The following CHCHD3 variants were observed in gnomAD, a reference collection of about 807,000 sequenced individuals.
The protein encoded by CHCHD3 is coiled-coil-helix-coiled-coil-helix domain containing 3.
Under a neutral mutation model 38.2 loss-of-function variants are expected in CHCHD3, and 20 were observed. The ratio of observed to expected loss-of-function variants is 0.52; its 90% confidence interval spans 0.37 to 0.76. CHCHD3 has a LOEUF of 0.76. Ranked by LOEUF, CHCHD3 falls within the 30% of genes least tolerant of loss-of-function variation. CHCHD3 has a pLI of 0.00. For synonymous variants in CHCHD3, 82 were observed against 100.0 expected, an observed-to-expected ratio of 0.82 and a Z score of 1.07; for missense variants, 245 against 279.2, an observed-to-expected ratio of 0.88 and a Z score of 0.87.
chr7:133,047,490 T>C (rs1459120822), intron 2 of CHCHD3, among the ~76,000 whole-genome samples: 5 of 152,222 alleles, frequency 3.3e-5, no homozygotes, highest in African/African-American at 1.2e-4. Context: ...AAAACGAGTC[T>C]CATGACTTTG....
Position 132,785,402 on chromosome 7 carries a change from GTTT to G in CHCHD3, c.*232_*234del. The stretch of plus-strand genomic sequence containing the variant: ...CTTCTCTTTTAATCATCATAAGAGG[GTTT>G]ACTAATACTCAAGAGTGTCCTTTAA... On this transcript the variant is annotated 3_prime_UTR_variant, in exon 8 of 8. Coordinates refer to ENST00000262570, the MANE Select transcript of CHCHD3 (RefSeq NM_017812.4). 1.7e-6 allele frequency: 1 copy of G among 580,270 alleles called. No homozygotes were observed. Among genetic ancestry groups the G allele is most frequent in the South Asian group, 2.2e-5 (1 of 46,128 alleles). The allele number at this position is 580,270 out of a possible 1,614,324, so 35.9% of individuals were successfully genotyped here.
intron 7 of CHCHD3, among the ~76,000 whole-genome samples, chr7:132,786,016 A>G (rs1806307185): frequency 6.6e-6 from 1 of 152,178 alleles, no homozygotes; most frequent in African/African-American, 2.4e-5. Context: ...AATCTCTACC[A>G]AAAACAAAAA....
rs918387050 is a variant in CHCHD3, at chr7:132,973,404, T to G, written c.369+1765A>C. The G allele has an allele frequency of 3.0e-6, 3 of 985,376 alleles. No homozygotes were observed. The African/African-American group carries it at 5.2e-5, about 17-fold the overall frequency. 61.0% of individuals were successfully genotyped at this position (985,376 alleles called of 1,614,324 possible). A position where few individuals can be genotyped will look rare whatever the true frequency, so the allele number is the denominator to read the frequency against. ...CCACTGACCTGATATTTTTTCAGCT[T>G]CCTCAAAAAATCCTTCAGCTTAGAC... On this transcript the variant is annotated intron_variant, in intron 4 of 7. Coordinates refer to ENST00000262570, the MANE Select transcript of CHCHD3 (RefSeq NM_017812.4).
intron 3 of CHCHD3, among the ~76,000 whole-genome samples, chr7:132,984,894 G>A (rs1812051200): frequency 9.9e-6 from 1 of 100,582 alleles, no homozygotes; most frequent in Non-Finnish European, 2.2e-5. Flanking sequence ...ATCCGGGAGG[G>A]AGGTGGGGGG....
At chr7:133,080,681 C>T (rs1815148055) in intron 1 of CHCHD3, among the ~76,000 whole-genome samples, 1 of 152,056 alleles carries the variant, frequency 6.6e-6, no homozygotes, top group Non-Finnish European at 1.5e-5. Context: ...GTAGTACTAC[C>T]ATTAATTAGC....
rs545947166 is a variant in CHCHD3, at chr7:132,868,023, G to A, written c.453+17639C>T. On this transcript the variant is annotated intron_variant, in intron 5 of 7. Coordinates refer to ENST00000262570, the MANE Select transcript of CHCHD3 (RefSeq NM_017812.4). The stretch of plus-strand genomic sequence containing the variant: ...TGTAGCATACTCCAATAAAAAAGAC[G>A]TTCACCCACAATTGACAAGCTAGGT... Among the ~76,000 whole-genome samples, 118 of 152,086 alleles carry A rather than the reference G, an allele frequency of 7.8e-4. 2 individuals carry two copies. The South Asian group carries it at 0.023, about 29-fold the overall frequency.
At chr7:132,915,232 G>A (rs1043782263) in intron 4 of CHCHD3, among the ~76,000 whole-genome samples, 1 of 152,102 alleles carries the variant, frequency 6.6e-6, no homozygotes, top group Non-Finnish European at 1.5e-5. Context: ...GAGCGGCAAG[G>A]ATTTCGAGCT....
chr7:132,932,513 C>A (rs375249668), intron 4 of CHCHD3, among the ~76,000 whole-genome samples: 1 of 152,196 alleles, frequency 6.6e-6, no homozygotes, highest in Non-Finnish European at 1.5e-5. Flanking sequence ...TATTGGCCTA[C>A]GCAACTTGCC....
At chr7:132,989,335 T>C (rs1188482844) in intron 3 of CHCHD3, among the ~76,000 whole-genome samples, 1 of 152,132 alleles carries the variant, frequency 6.6e-6, no homozygotes, top group African/African-American at 2.4e-5. Context: ...GATTTTATTT[T>C]AATTCACAAT....
At chr7:132,807,606 A>ATATATATAT (rs1806956322) in intron 6 of CHCHD3, among the ~76,000 whole-genome samples, 1 of 108,926 alleles carries the variant, frequency 9.2e-6, no homozygotes, top group Non-Finnish European at 1.9e-5. Flanking sequence ...CATACACATA[A>ATATATATAT]ATATATATAT....
intron 3 of CHCHD3, among the ~76,000 whole-genome samples, chr7:132,997,485 A>G (rs971052219): frequency 6.6e-6 from 1 of 152,070 alleles, no homozygotes; most frequent in African/African-American, 2.4e-5. Flanking sequence ...ATCAGTTGTG[A>G]ATTTTTACAC....
intron 6 of CHCHD3, chr7:132,815,355 C>T (rs1283906820): frequency 6.4e-6 from 2 of 311,024 alleles, no homozygotes; most frequent in South Asian, 2.7e-5. Flanking sequence ...AATATGTTTG[C>T]ATATATTACA....
In CHCHD3 at chr7:133,035,331, T is replaced by C. The variant is rs1280650930; in HGVS notation, c.170-10704A>G. On this transcript the variant is annotated intron_variant, in intron 2 of 7. Transcript: ENST00000262570. This position sits in a 1 kb window ranked among gnomAD's most constrained non-coding sequence, Gnocchi z 4.7. ...CCCCAAGACAGCCCGGAACTGGGGC[T>C]GGTTAATGCAGGTGAGGAACCAGCG... is the stretch of plus-strand genomic sequence containing the variant. 1.9e-6 allele frequency: 3 copies of C among 1,611,206 alleles called. No individual in the cohort carries two copies. The highest frequency in any genetic ancestry group is 2.5e-6 in the Non-Finnish European group (3 of 1,177,548).
chr7:133,060,636 C>T (rs754669415), intron 2 of CHCHD3, among the ~76,000 whole-genome samples: 3 of 152,140 alleles, frequency 2.0e-5, no homozygotes, highest in Non-Finnish European at 2.9e-5. Flanking sequence ...AGGCCGGGTG[C>T]GGTGGCTCAG....
At chr7:132,899,408 C>T (rs1388101703) in intron 4 of CHCHD3, among the ~76,000 whole-genome samples, 1 of 152,198 alleles carries the variant, frequency 6.6e-6, no homozygotes, top group African/African-American at 2.4e-5. Context: ...CAGCTAACTG[C>T]ACCACACCCT....
At chr7:132,861,377 G>A (rs1008361464) in intron 5 of CHCHD3, among the ~76,000 whole-genome samples, 1 of 152,116 alleles carries the variant, frequency 6.6e-6, no homozygotes, top group Admixed American at 6.5e-5. Context: ...CTGTATTCAT[G>A]TTTCTTTCAT....
chr7:133,001,858 C>T (rs930641288), intron 3 of CHCHD3, among the ~76,000 whole-genome samples: 1 of 152,106 alleles, frequency 6.6e-6, no homozygotes, highest in African/African-American at 2.4e-5. Context: ...TTTTACAGAG[C>T]GTTTACTTTG....
chr7:132,905,220 A>G (rs544756689), intron 4 of CHCHD3, among the ~76,000 whole-genome samples: 1 of 152,170 alleles, frequency 6.6e-6, no homozygotes, highest in Non-Finnish European at 1.5e-5. Context: ...CACGTTGTGT[A>G]CATGTACCCT....
At chr7:133,051,654 T>A (rs1436837971) in intron 2 of CHCHD3, among the ~76,000 whole-genome samples, 6 of 152,190 alleles carry the variant, frequency 3.9e-5, no homozygotes, top group African/African-American at 1.2e-4. Flanking sequence ...TGTATATGTA[T>A]GAATGAACAT....
Sources: gnomAD v4.1 joint callset for allele counts (sites outside exome capture counted in the v4.1 genomes callset) on GRCh38, gnomAD v4.1.1 for gene constraint, Gnocchi (gnomAD v3.1) non-coding constraint, MANE v1.5 for transcripts, NCBI Gene and HGNC (gene_info 2026-07-23, HGNC 2026-07-21) for gene names.